The following MED13 variants were observed in gnomAD, a reference collection of about 807,000 sequenced individuals.
MED13 encodes mediator of RNA polymerase II transcription subunit 13.
MED13 carries 23 observed loss-of-function variants against 225.2 expected under a neutral mutation model. The observed-to-expected ratio is 0.10, with a 90% CI of 0.07 to 0.14. MED13 has a LOEUF of 0.14. Ranked by LOEUF, MED13 falls within the 10% of genes least tolerant of loss-of-function variation. The probability of loss-of-function intolerance (pLI) is 1.00; values close to 1 mark genes in which losing one functional copy is unlikely to be tolerated. For missense variants in MED13, 2,197 were observed against 2,594.5 expected (o/e 0.85, Z 3.33); for synonymous variants, 942 against 889.2 (o/e 1.06, Z -1.06).
Position 61,948,957 on chromosome 17 carries a change from G to A in MED13, c.6291+1868C>T, listed in dbSNP as rs535481572. ...CAAAAAATTAGCCGGGCGTAGTGGCGGGCGCCTGTAGTCCCAGCTACTTGG... is the reference window on the plus strand; with the variant it reads ...CAAAAAATTAGCCGGGCGTAGTGGCAGGCGCCTGTAGTCCCAGCTACTTGG... On this transcript the variant is annotated intron_variant, in intron 28 of 29. Coordinates refer to ENST00000397786, the MANE Select transcript of MED13 (RefSeq NM_005121.3). Among the ~76,000 whole-genome samples, 8 of 150,292 alleles carry A rather than the reference G, an allele frequency of 5.3e-5. No individual in the cohort carries two copies. In the South Asian group the frequency reaches 1.0e-3, roughly 20 times the overall value.
Position 61,972,845 on chromosome 17 carries a change from G to C in MED13, c.3849C>G (p.Leu1283=). ...QCSQDILRML[L]SLQPVLQDAI... ...CATCCTGAAGAACTGGCTGAAGAGA[G>C]AGGAGCATTCGAAGTATATCCTGTG... is the stretch of plus-strand genomic sequence containing the variant. Residue 1283 remains leucine (L), a synonymous_variant, in exon 17 of 30, where the codon CTC becomes CTG. Transcript: ENST00000397786. 1 of 1,613,776 alleles carries C rather than the reference G, an allele frequency of 6.2e-7. No homozygotes were observed. Among genetic ancestry groups the C allele is most frequent in the Non-Finnish European group, 8.5e-7 (1 of 1,179,892 alleles).
chr17:62,061,440 T>C (rs538317544), intron 2 of MED13, among the ~76,000 whole-genome samples: 1 of 152,328 alleles, frequency 6.6e-6, no homozygotes, highest in South Asian at 2.1e-4. Context: ...TTTCATGGAA[T>C]CTTAAAAAAA....
chr17:62,017,212 AAAATGCT>A (rs2143622247), intron 8 of MED13, among the ~76,000 whole-genome samples: 1 of 143,402 alleles, frequency 7.0e-6, no homozygotes, highest in African/African-American at 2.5e-5. Context: ...GAGTAGAACT[AAAATGCT>A]AAAAAAAAAA....
At chr17:62,000,099 T>C (rs973847525) in intron 9 of MED13, among the ~76,000 whole-genome samples, 3 of 152,174 alleles carry the variant, frequency 2.0e-5, no homozygotes, top group South Asian at 2.1e-4. Context: ...ATCAAGAGTA[T>C]TAATTTCTTT....
In MED13 at chr17:61,982,419, T is replaced by C. The variant is rs1482120980; in HGVS notation, c.3584A>G (p.Gln1195Arg). 1.2e-6 allele frequency: 2 copies of C among 1,614,092 alleles called. No individual in the cohort carries two copies. The highest frequency in any genetic ancestry group is 2.2e-5 in the East Asian group (1 of 44,888). ...AAAGGGTGAAAATAAATTAGTGCACTGATCTTGTAGCAATAATATCAAATC... is the reference window on the plus strand; with the variant it reads ...AAAGGGTGAAAATAAATTAGTGCACCGATCTTGTAGCAATAATATCAAATC... ...SDDLILLLQDQCTNLFSPFGA... is the reference protein window; with the variant it reads ...SDDLILLLQDRCTNLFSPFGA... The change falls in exon 16 of 30, where the codon CAG becomes CGG. Residue 1195 changes from glutamine to arginine, a missense_variant. Gln to Arg is a conservative substitution (Grantham distance 43). This residue lies in a region of MED13 where 203 missense variants were observed against 209.7 expected (regional missense o/e 0.97). Transcript: ENST00000397786.
At chr17:62,043,411 A>T (rs1212034680) in intron 3 of MED13, among the ~76,000 whole-genome samples, 2 of 152,166 alleles carry the variant, frequency 1.3e-5, no homozygotes, top group Admixed American at 1.3e-4. Context: ...CAGGGAAAAC[A>T]ATAAAAAGGC....
At chr17:61,954,106 T>C (rs1487573908) in intron 26 of MED13, among the ~76,000 whole-genome samples, 5 of 152,224 alleles carry the variant, frequency 3.3e-5, no homozygotes, top group African/African-American at 1.2e-4. Flanking sequence ...ACTGAAATCA[T>C]GTAAAGCAAA....
At chr17:61,959,594 G>A (rs1430091779) in intron 23 of MED13, among the ~76,000 whole-genome samples, 1 of 151,594 alleles carries the variant, frequency 6.6e-6, no homozygotes, top group Non-Finnish European at 1.5e-5. Flanking sequence ...TAAAATTAAT[G>A]TTTCTATCTT....
rs1272157147 is a variant in MED13, at chr17:61,965,021, G to A, written c.4829C>T (p.Pro1610Leu). ...ESSSLPTQPH[P>L]DVSESTMDRD... ...TTAAAGGTACCTTTCAGACACATCA[G>A]GATGCGGCTGAGTGGGAAGTGAAGA... The change falls in exon 20 of 30, where the codon CCT becomes CTT. Residue 1610 changes from proline to leucine, a missense_variant. Pro to Leu is a moderately conservative substitution (Grantham distance 98). This residue lies in a region of MED13 where 457 missense variants were observed against 442.2 expected (regional missense o/e 1.03). Coordinates refer to ENST00000397786, the MANE Select transcript of MED13 (RefSeq NM_005121.3). 2 of 1,613,788 alleles carry A rather than the reference G, an allele frequency of 1.2e-6. No individual in the cohort carries two copies. Among genetic ancestry groups the A allele is most frequent in the Admixed American group, 1.7e-5 (1 of 59,986 alleles).
chr17:61,950,775 T>G, intron 28 of MED13, 50 bp downstream of exon 28: 1 of 1,556,000 alleles, frequency 6.4e-7, no homozygotes, highest in Non-Finnish European at 8.7e-7. Context: ...TTCTCAGGAC[T>G]TAGGCTGTCA....
rs1309459136 is a variant in MED13, at chr17:61,962,810, C to T, written c.5006G>A (p.Cys1669Tyr). Residue 1669 changes from cysteine (C) to tyrosine (Y), a missense_variant, in exon 21 of 30, where the codon TGC (cysteine) becomes TAC (tyrosine). Cys to Tyr is a radical substitution (Grantham distance 194). Transcript: ENST00000397786. ...SSVWTLGLLR[C>Y]FLEMVQTLPP... Reference sequence around the variant, plus strand: ...AAGAGTCTGGACCATTTCTAGAAAGCATCGAAGTAGCCCCAATGTCCACAC... The same window carrying T: ...AAGAGTCTGGACCATTTCTAGAAAGTATCGAAGTAGCCCCAATGTCCACAC... 1.2e-6 allele frequency: 2 copies of T among 1,614,130 alleles called. No individual in the cohort carries two copies. Among genetic ancestry groups the T allele is most frequent in the Non-Finnish European group, 1.7e-6 (2 of 1,180,020 alleles).
Position 61,984,845 on chromosome 17 carries a change from T to C in MED13, c.2497A>G (p.Met833Val). Residue 833 changes from methionine to valine, a missense_variant, in exon 14 of 30, where the codon ATG (methionine) becomes GTG (valine). Physicochemically the swap from Met to Val is conservative, Grantham distance 21. Transcript: ENST00000397786. The part of the protein sequence containing the change: ...SCISTADLHK[M>V]YPTPPSLEQH... The stretch of plus-strand genomic sequence containing the variant: ...TCCAATGATGGTGGTGTAGGATACA[T>C]TTTATGAAGATCTGCAGTGCCTATA... The C allele has an allele frequency of 1.2e-6, 2 of 1,612,382 alleles. No individual in the cohort carries two copies. Among genetic ancestry groups the C allele is most frequent in the Non-Finnish European group, 1.7e-6 (2 of 1,179,084 alleles).
At chr17:61,968,386 C>T (rs1043321232) in intron 17 of MED13, 128 bp from the exon 18 acceptor site, 4 of 644,908 alleles carry the variant, frequency 6.2e-6, no homozygotes, top group African/African-American at 3.7e-5. Context: ...AGTGCAGTGG[C>T]GCCATCTCGG....
chr17:62,029,272 T>C, intron 8 of MED13: 1 of 466,980 alleles, frequency 2.1e-6, no homozygotes. Context: ...ATATATACCA[T>C]AGCTCCATAT....
intron 2 of MED13, among the ~76,000 whole-genome samples, chr17:62,055,820 CA>C (rs966291712): frequency 2.2e-4 from 31 of 141,112 alleles, no homozygotes; most frequent in Admixed American, 2.8e-4. Flanking sequence ...GACTCCATCT[CA>C]AAAAAAAAAA....
chr17:62,054,112 G>A (rs895583756), intron 2 of MED13, among the ~76,000 whole-genome samples: 30 of 152,160 alleles, frequency 2.0e-4, no homozygotes, highest in African/African-American at 7.2e-4. Context: ...TTCAAGACCA[G>A]CCTCGCCAAC....
chr17:61,956,837 C>T (rs1166646661), intron 23 of MED13, among the ~76,000 whole-genome samples: 2 of 152,044 alleles, frequency 1.3e-5, no homozygotes, highest in Non-Finnish European at 1.5e-5. Flanking sequence ...CGTGCCATCC[C>T]GACATTTTAA....
chr17:61,970,680 A>C (rs1413344702), intron 17 of MED13, among the ~76,000 whole-genome samples: 7 of 32,334 alleles, frequency 2.2e-4, no homozygotes, highest in African/African-American at 8.8e-4. Flanking sequence ...AGACTGTCTC[A>C]AAAAAAAAAA....
chr17:61,980,063 C>T (rs1400370881), intron 16 of MED13, among the ~76,000 whole-genome samples: 1 of 152,110 alleles, frequency 6.6e-6, no homozygotes, highest in Admixed American at 6.6e-5. Context: ...GTGGCGTGCA[C>T]CTGTAGTCCC....
Sources: gnomAD v4.1 joint callset for allele counts (sites outside exome capture counted in the v4.1 genomes callset) on GRCh38, gnomAD v4.1.1 for gene constraint, gnomAD v4.1.1 regional missense constraint, MANE v1.5 for transcripts, NCBI Gene and HGNC (gene_info 2026-07-23, HGNC 2026-07-21) for gene names.